The following RELA variants were observed in gnomAD, a reference collection of about 807,000 sequenced individuals.
RELA encodes transcription factor p65.
RELA carries 14 observed loss-of-function variants against 56.7 expected under a neutral mutation model. The observed-to-expected ratio is 0.25, with a 90% CI of 0.16 to 0.39. The LOEUF (loss-of-function observed/expected upper bound fraction) is 0.39, where lower values mean the gene tolerates loss of function less well. Among genes scored for constraint, RELA ranks in the 10% least tolerant of loss-of-function variants. RELA has a pLI of 1.00. For missense variants in RELA, 559 were observed against 736.4 expected (o/e 0.76, Z 2.79); for synonymous variants, 315 against 289.7 (o/e 1.09, Z -0.89).
chr11:65,660,311 ATCATCGCT>A, intron 4 of RELA, 96 bp from the exon 5 acceptor site: 1 of 1,091,478 alleles, frequency 9.2e-7, no homozygotes, highest in South Asian at 1.3e-5. Flanking sequence ...CCACCCCTAG[ATCATCGCT>A]CCATGCCTAA....
At position 65,658,736 on chromosome 11, in the gene RELA, A is replaced by C. The variant is rs1439792199; in HGVS notation, c.646T>G (p.Cys216Gly). The change falls in exon 7 of 11, where the codon TGT becomes GGT. Residue 216 changes from cysteine (C) to glycine (G), a missense_variant. By Grantham distance (159) the Cys-to-Gly change is radical. Transcript: ENST00000406246. The surrounding 1 kb of genome is among the most constrained non-coding windows in gnomAD (Gnocchi z 4.5). ...TGTATACCTTTCTGCACCTTGTCAC[A>C]CAGTAGGAAGATCTCATCCCCACCG... ...CLGGDEIFLL[C>G]DKVQKEDIEV... 6.2e-7 allele frequency: 1 copy of C among 1,614,026 alleles called. No homozygotes were observed.
intron 10 of RELA, 52 bp downstream of exon 10, chr11:65,655,636 A>C: frequency 6.4e-7 from 1 of 1,555,448 alleles, no homozygotes; most frequent in African/African-American, 1.4e-5. Context: ...ACTGCTCCTC[A>C]GCTGAACAGA....
In RELA at chr11:65,655,755, G is replaced by A. The variant is rs140622290; in HGVS notation, c.966C>T (p.Thr322=). The A allele has an allele frequency of 3.2e-5, 52 of 1,613,838 alleles. No homozygotes were observed. In the East Asian group the frequency reaches 3.8e-4, roughly 12 times the overall value. ...TGCGTCGAGGTGGAGGCCGGGGGTCGGTGGGTCCTGTAGGGCAAGGGCTAG... is the reference window on the plus strand; with the variant it reads ...TGCGTCGAGGTGGAGGCCGGGGGTCAGTGGGTCCTGTAGGGCAAGGGCTAG... ...IMKKSPFSGP[T]DPRPPPRRIA... is the part of the protein sequence containing the mutation. The change falls in exon 10 of 11, where the codon ACC becomes ACT. Residue 322 remains threonine (T), a synonymous_variant. Transcript: ENST00000406246.
intron 4 of RELA, among the ~76,000 whole-genome samples, chr11:65,661,132 T>A (rs1205048577): frequency 6.6e-6 from 1 of 150,942 alleles, no homozygotes; most frequent in Non-Finnish European, 1.5e-5. Flanking sequence ...CCTCCTGGGC[T>A]CAGGCGATCC....
At chr11:65,655,511 T>C (rs1439393527) in intron 10 of RELA, 177 bp downstream of exon 10, 2 of 619,006 alleles carry the variant, frequency 3.2e-6, no homozygotes, top group African/African-American at 3.7e-5. Context: ...AGTGGCACGG[T>C]GGTTCCCAGG....
intron 6 of RELA, among the ~76,000 whole-genome samples, chr11:65,659,166 T>G (rs963432215): frequency 6.6e-6 from 1 of 152,212 alleles, no homozygotes; most frequent in African/African-American, 2.4e-5. Context: ...CATACCCACC[T>G]TGGCAATGAG....
rs542335113 is a variant in RELA at position 65,654,160 on chromosome 11, C to G, written c.*218G>C. 1.0e-5 allele frequency: 7 copies of G among 666,996 alleles called. No individual in the cohort carries two copies. The highest frequency in any genetic ancestry group is 8.8e-5 in the East Asian group (3 of 34,218). The allele number at this position is 666,996 out of a possible 1,614,324, so 41.3% of individuals were successfully genotyped here. ...AAAGTTTGAGTTTCCCCAGCTCCCC[C>G]CTTTCCAGAGAAGTTAATGCTTCTG... On this transcript the variant is annotated 3_prime_UTR_variant, in exon 11 of 11. Transcript: ENST00000406246.
chr11:65,662,883 C>A lies in RELA; in HGVS notation c.-51G>T, dbSNP rs2038204456. 9.3e-6 allele frequency: 11 copies of A among 1,181,254 alleles called. No homozygotes were observed. Among genetic ancestry groups the A allele is most frequent in the Non-Finnish European group, 1.2e-5 (11 of 954,336 alleles). The allele number at this position is 1,181,254 out of a possible 1,614,324, so 73.2% of individuals were successfully genotyped here. A position where few individuals can be genotyped will look rare whatever the true frequency, so the allele number is the denominator to read the frequency against. On this transcript the variant is annotated 5_prime_UTR_variant, in exon 1 of 11. Transcript: ENST00000406246. Reference sequence around the variant, plus strand: ...GGGTCGCAGCTGGGCCCGCGGCGTGCACTACAGACGAGCCATTCGCCAGAG... The same window carrying A: ...GGGTCGCAGCTGGGCCCGCGGCGTGAACTACAGACGAGCCATTCGCCAGAG...
Position 65,655,884 on chromosome 11 carries a change from T to C in RELA, c.929A>G (p.Lys310Arg). 6.2e-7 allele frequency: 1 copy of C among 1,614,130 alleles called. No individual in the cohort carries two copies. Among genetic ancestry groups the C allele is most frequent in the South Asian group, 1.1e-5 (1 of 91,076 alleles). ...EKRKRTYETF[K>R]SIMKKSPFSG... ...GAAAGGACTCTTCTTCATGATGCTC[T>C]TGAAGGTCTCATATGTCCTTTTACG... Residue 310 changes from lysine to arginine, a missense_variant, in exon 9 of 11, where the codon AAG becomes AGG. Coordinates refer to ENST00000406246, the MANE Select transcript of RELA (RefSeq NM_021975.4).
Position 65,658,098 on chromosome 11 carries a change from G to A in RELA, c.877+189C>T, listed in dbSNP as rs765137461. Among the ~76,000 whole-genome samples the A allele has an allele frequency of 1.3e-5, 2 of 152,252 alleles. No individual in the cohort carries two copies. Among genetic ancestry groups the A allele is most frequent in the African/African-American group, 4.8e-5 (2 of 41,464 alleles). On this transcript the variant is annotated intron_variant, in intron 8 of 10. Transcript: ENST00000406246. The surrounding 1 kb of genome is among the most constrained non-coding windows in gnomAD (Gnocchi z 4.5). Reference sequence around the variant, plus strand: ...TGAAGTGCCTGGAATAGGGGCAGATGTGTAGTACTAGCTCAATGTCTGAGG... The same window carrying A: ...TGAAGTGCCTGGAATAGGGGCAGATATGTAGTACTAGCTCAATGTCTGAGG...
Position 65,654,234 on chromosome 11 carries a change from G to A in RELA, c.*144C>T, listed in dbSNP as rs181256726. 4.9e-5 allele frequency: 48 copies of A among 979,580 alleles called. No individual in the cohort carries two copies. The East Asian group carries it at 1.2e-3, about 24-fold the overall frequency. The allele number at this position is 979,580 out of a possible 1,614,324, so 60.7% of individuals were successfully genotyped here. ...AGAGATACAGATACTGACAATAAAA[G>A]AATAAAATATGGCTCCCCCCTCCAA... On this transcript the variant is annotated 3_prime_UTR_variant, in exon 11 of 11. Transcript: ENST00000406246.
Position 65,658,622 on chromosome 11 carries a change from G to A in RELA, c.664+96C>T. On this transcript the variant is annotated intron_variant, in intron 7 of 10. Coordinates refer to ENST00000406246, the MANE Select transcript of RELA (RefSeq NM_021975.4). The surrounding 1 kb of genome is among the most constrained non-coding windows in gnomAD (Gnocchi z 4.5). ...GCCCACCTGAGGCCCCCGAGGCACA[G>A]GAGGAAGTATCCAAAGCCAGTTACC... 1 of 1,406,006 alleles carries A rather than the reference G, an allele frequency of 7.1e-7. No homozygotes were observed. Among genetic ancestry groups the A allele is most frequent in the Non-Finnish European group, 1.0e-6 (1 of 997,350 alleles). The allele number at this position is 1,406,006 out of a possible 1,614,324, so 87.1% of individuals were successfully genotyped here. A position where few individuals can be genotyped will look rare whatever the true frequency, so the allele number is the denominator to read the frequency against.
chr11:65,658,512 C>T lies in RELA; in HGVS notation c.665-13G>A, dbSNP rs749658504. 7.6e-6 allele frequency: 12 copies of T among 1,585,880 alleles called. No individual in the cohort carries two copies. Among genetic ancestry groups the T allele is most frequent in the East Asian group, 2.2e-5 (1 of 44,486 alleles). On this transcript the variant is annotated splice_polypyrimidine_tract_variant and intron_variant, in intron 7 of 10. Coordinates refer to ENST00000406246, the MANE Select transcript of RELA (RefSeq NM_021975.4). This position sits in a 1 kb window ranked among gnomAD's most constrained non-coding sequence, Gnocchi z 4.5. ...ACCTCAATGTCCTCTGCAGGAGATGCGGTGGCAGTGTGGGTCAGTGTGTCT... is the reference window on the plus strand; with the variant it reads ...ACCTCAATGTCCTCTGCAGGAGATGTGGTGGCAGTGTGGGTCAGTGTGTCT...
rs1452344673 is a variant in RELA at position 65,658,139 on chromosome 11, A to G, written c.877+148T>C. The G allele has an allele frequency of 6.6e-6, 4 of 607,056 alleles. No homozygotes were observed. Among genetic ancestry groups the G allele is most frequent in the Non-Finnish European group, 5.8e-6 (2 of 343,664 alleles). The allele number at this position is 607,056 out of a possible 1,614,324, so 37.6% of individuals were successfully genotyped here. A position where few individuals can be genotyped will look rare whatever the true frequency, so the allele number is the denominator to read the frequency against. On this transcript the variant is annotated intron_variant, in intron 8 of 10. Coordinates refer to ENST00000406246, the MANE Select transcript of RELA (RefSeq NM_021975.4). This position sits in a 1 kb window ranked among gnomAD's most constrained non-coding sequence, Gnocchi z 4.5. ...ATGTCTGAGGTATCATTATTATTAAATGAGGCAAGAAATGGATTCCAGTTT... is the reference window on the plus strand; with the variant it reads ...ATGTCTGAGGTATCATTATTATTAAGTGAGGCAAGAAATGGATTCCAGTTT...
chr11:65,662,381 G>A lies in RELA; in HGVS notation c.8-176C>T, dbSNP rs1856593714. ...TGGAGGAAAGGAACCAGAAACACCT[G>A]CTTCTTGAGGGAAAACGGGGTAAGG... On this transcript the variant is annotated intron_variant, in intron 1 of 10. Transcript: ENST00000406246. 1.2e-5 allele frequency: 8 copies of A among 655,292 alleles called. No individual in the cohort carries two copies. The South Asian group carries it at 2.0e-4, about 16-fold the overall frequency. 40.6% of individuals were successfully genotyped at this position (655,292 alleles called of 1,614,324 possible). A position where few individuals can be genotyped will look rare whatever the true frequency, so the allele number is the denominator to read the frequency against.
rs774973728 is a variant in RELA, at chr11:65,654,627, G to T, written c.1407C>A (p.Val469=). Reference sequence around the variant, plus strand: ...GCAGCTGCTGAAACTCGGAGTTGTCGACGGATGCCAGGTCTGTGAACACAG... The same window carrying T: ...GCAGCTGCTGAAACTCGGAGTTGTCTACGGATGCCAGGTCTGTGAACACAG... ...DPAVFTDLAS[V]DNSEFQQLLN... Residue 469 remains valine, a synonymous_variant, in exon 11 of 11, where the codon GTC becomes GTA. Coordinates refer to ENST00000406246, the MANE Select transcript of RELA (RefSeq NM_021975.4). 6.2e-7 allele frequency: 1 copy of T among 1,606,832 alleles called. No individual in the cohort carries two copies. Among genetic ancestry groups the T allele is most frequent in the East Asian group, 2.2e-5 (1 of 44,862 alleles).
Position 65,654,788 on chromosome 11 carries a change from C to G in RELA, c.1246G>C (p.Gly416Arg). The change falls in exon 11 of 11, where the codon GGC becomes CGC. Residue 416 changes from glycine to arginine, a missense_variant. By Grantham distance (125) the Gly-to-Arg change is moderately radical (BLOSUM62 -2). This residue lies in a region of RELA where 365 missense variants were observed against 387.5 expected (regional missense o/e 0.94). Transcript: ENST00000406246. ...APAPVPVLAP[G>R]PPQAVAPPAP... ...GGTGGGGCCACAGCCTGAGGAGGGC[C>G]TGGGGCTAGGACTGGGACAGGGGCT... 1.3e-6 allele frequency: 2 copies of G among 1,515,048 alleles called. No homozygotes were observed. The highest frequency in any genetic ancestry group is 1.8e-6 in the Non-Finnish European group (2 of 1,129,284). 93.9% of individuals were successfully genotyped at this position (1,515,048 alleles called of 1,614,324 possible).
rs573225637 is a variant in RELA, at chr11:65,654,121, A to G, written c.*257T>C. On this transcript the variant is annotated 3_prime_UTR_variant, in exon 11 of 11. Transcript: ENST00000406246. ...TTCCCTACAGAGAAGGGAGCTGACC[A>G]TCAGGACAGGGGAAAAGTTTGAGTT... is the stretch of plus-strand genomic sequence containing the variant. 19 of 534,134 alleles carry G rather than the reference A, an allele frequency of 3.6e-5. No individual in the cohort carries two copies. The African/African-American group carries it at 3.6e-4, about 10-fold the overall frequency. The allele number at this position is 534,134 out of a possible 1,614,324, so 33.1% of individuals were successfully genotyped here.
At chr11:65,657,717 C>T (rs779329927) in intron 8 of RELA, among the ~76,000 whole-genome samples, 1 of 152,206 alleles carries the variant, frequency 6.6e-6, no homozygotes, top group Non-Finnish European at 1.5e-5. Context: ...TGCTTCTCTG[C>T]GCACACCTCC....
Sources: allele counts gnomAD v4.1 joint callset (sites outside exome capture counted in the v4.1 genomes callset), GRCh38; gene constraint gnomAD v4.1.1; regional missense constraint gnomAD v4.1.1; non-coding constraint Gnocchi (gnomAD v3.1); transcripts MANE v1.5; gene names NCBI Gene and HGNC (gene_info 2026-07-23, HGNC 2026-07-21).